The following HPGDS variants were observed in gnomAD, a reference collection of about 807,000 sequenced individuals.
HPGDS encodes hematopoietic prostaglandin D synthase.
Under a neutral mutation model 23.1 loss-of-function variants are expected in HPGDS, and 26 were observed. The ratio of observed to expected loss-of-function variants is 1.13; its 90% CI spans 0.83 to 1.56. The LOEUF (loss-of-function observed/expected upper bound fraction) is 1.56. Among genes scored for constraint, HPGDS ranks in the 40% most tolerant of loss-of-function variants. The pLI is 0.00. For synonymous variants in HPGDS, 95 were observed against 77.9 expected, an observed-to-expected ratio of 1.22 and a Z score of -1.16; for missense variants, 268 against 236.4, an observed-to-expected ratio of 1.13 and a Z score of -0.88.
chr4:94,326,481 T>C (rs1386104149), intron 2 of HPGDS, among the ~76,000 whole-genome samples: 1 of 152,188 alleles, frequency 6.6e-6, no homozygotes, highest in African/African-American at 2.4e-5. Flanking sequence ...ATTCTTCGCT[T>C]GACCTAGTCT....
chr4:94,307,159 T>TGGG, intron 4 of HPGDS, among the ~76,000 whole-genome samples: 1 of 151,858 alleles, frequency 6.6e-6, no homozygotes, highest in East Asian at 1.9e-4. Context: ...AGTCAAACTA[T>TGGG]AAACAAGTTT....
chr4:94,323,992 A>T (rs920528303), intron 2 of HPGDS, among the ~76,000 whole-genome samples: 4 of 152,134 alleles, frequency 2.6e-5, no homozygotes, highest in African/African-American at 9.7e-5. Context: ...TTCTCTGTGA[A>T]GGATTTTATT....
chr4:94,306,928 T>G (rs1756150477), intron 4 of HPGDS, among the ~76,000 whole-genome samples: 1 of 152,064 alleles, frequency 6.6e-6, no homozygotes, highest in African/African-American at 2.4e-5. Context: ...GGTCCCAGAT[T>G]GAACGGAATC....
chr4:94,302,395 AGATTTAGGTCT>A, intron 4 of HPGDS, 151 bp from the exon 5 acceptor site: 1 of 585,732 alleles, frequency 1.7e-6, no homozygotes, highest in Non-Finnish European at 3.0e-6. Context: ...TATGACATGG[AGATTTAGGTCT>A]GATTCTCTAT....
At chr4:94,308,813 G>A (rs1241426300) in intron 3 of HPGDS, 70 bp from the exon 4 acceptor site, 6 of 761,156 alleles carry the variant, frequency 7.9e-6, no homozygotes, top group South Asian at 3.4e-5. Flanking sequence ...TTAACAGATA[G>A]TATACTCATA....
At chr4:94,324,807 A>G (rs1756596239) in intron 2 of HPGDS, among the ~76,000 whole-genome samples, 1 of 152,214 alleles carries the variant, frequency 6.6e-6, no homozygotes, top group African/African-American at 2.4e-5. Context: ...ATTGCTCGCA[A>G]GGAGCTGCGA....
chr4:94,330,789 T>A (rs1332024117), intron 2 of HPGDS, among the ~76,000 whole-genome samples: 1 of 152,218 alleles, frequency 6.6e-6, no homozygotes, highest in African/African-American at 2.4e-5. Context: ...ATAGTTTTAA[T>A]TTTCAAGAAC....
At chr4:94,323,909 T>A (rs1171057083) in intron 2 of HPGDS, among the ~76,000 whole-genome samples, 2 of 152,226 alleles carry the variant, frequency 1.3e-5, no homozygotes, top group Non-Finnish European at 2.9e-5. Flanking sequence ...CGGTTGTTTC[T>A]TTCCATGTTT....
At chr4:94,311,729 G>C (rs1329913444) in intron 3 of HPGDS, among the ~76,000 whole-genome samples, 1 of 151,422 alleles carries the variant, frequency 6.6e-6, no homozygotes, top group Non-Finnish European at 1.5e-5. Flanking sequence ...GCTCCTCCTT[G>C]TATCTCTGGT....
In HPGDS at chr4:94,317,957, A is replaced by G; in HGVS notation, c.142T>C (p.Phe48Leu). Residue 48 changes from phenylalanine (F) to leucine (L), a missense_variant, in exon 3 of 6, where the codon TTT becomes CTT. Physicochemically the swap from Phe to Leu is conservative, Grantham distance 22 (BLOSUM62 0). Coordinates refer to ENST00000295256, the MANE Select transcript of HPGDS (RefSeq NM_014485.3). ...ACTTCCAAAATGGGGATTTTTCCAAATGGGAGAGCTTAAAATGAAATGAGC... is the reference window on the plus strand; with the variant it reads ...ACTTCCAAAATGGGGATTTTTCCAAGTGGGAGAGCTTAAAATGAAATGAGC... ...DWPEIKSTLP[F>L]GKIPILEVDG... is the part of the protein sequence containing the mutation. The G allele has an allele frequency of 6.2e-7, 1 of 1,601,228 alleles. No homozygotes were observed. Among genetic ancestry groups the G allele is most frequent in the Non-Finnish European group, 8.5e-7 (1 of 1,169,746 alleles).
At chr4:94,324,784 T>A (rs1756595664) in intron 2 of HPGDS, among the ~76,000 whole-genome samples, 1 of 152,218 alleles carries the variant, frequency 6.6e-6, no homozygotes. Flanking sequence ...TCATTCTCCA[T>A]CCAGCTTGTT....
intron 4 of HPGDS, 49 bp from the exon 5 acceptor site, chr4:94,302,293 A>G: frequency 7.8e-7 from 1 of 1,288,344 alleles, no homozygotes; most frequent in Admixed American, 1.7e-5. Context: ...AAGAAAAGTA[A>G]CATGATCTGA....
chr4:94,321,294 G>C (rs1333107222), intron 2 of HPGDS, among the ~76,000 whole-genome samples: 3 of 152,128 alleles, frequency 2.0e-5, no homozygotes, highest in African/African-American at 7.2e-5. Context: ...TTCCAATTCT[G>C]TGAAGAAAGT....
chr4:94,300,134 A>G (rs1367136661), intron 5 of HPGDS, among the ~76,000 whole-genome samples: 2 of 152,160 alleles, frequency 1.3e-5, no homozygotes, highest in Non-Finnish European at 2.9e-5. Context: ...GTCCTACAGA[A>G]TGTTCTATCT....
chr4:94,321,227 G>A (rs1381525865), intron 2 of HPGDS, among the ~76,000 whole-genome samples: 1 of 152,142 alleles, frequency 6.6e-6, no homozygotes, highest in East Asian at 1.9e-4. Context: ...TTTTGCTTAG[G>A]ATTGACTTGG....
intron 2 of HPGDS, among the ~76,000 whole-genome samples, chr4:94,323,651 G>A (rs905895962): frequency 2.2e-4 from 33 of 151,998 alleles, no homozygotes; most frequent in African/African-American, 6.3e-4. Flanking sequence ...TTGAGCCTAT[G>A]TGTGTCTCTG....
chr4:94,313,320 T>A (rs1756320796), intron 3 of HPGDS, among the ~76,000 whole-genome samples: 1 of 152,222 alleles, frequency 6.6e-6, no homozygotes, highest in African/African-American at 2.4e-5. Context: ...GGAGCTCTTG[T>A]AGGGCAGGCC....
At chr4:94,316,876 T>C (rs549079489) in intron 3 of HPGDS, among the ~76,000 whole-genome samples, 60 of 152,244 alleles carry the variant, frequency 3.9e-4, no homozygotes, top group Non-Finnish European at 7.2e-4. Context: ...ACTGCCCAGG[T>C]CCAAGTCTTC....
intron 2 of HPGDS, among the ~76,000 whole-genome samples, chr4:94,322,513 T>G (rs935394152): frequency 1.3e-5 from 2 of 152,216 alleles, no homozygotes; most frequent in Non-Finnish European, 2.9e-5. Flanking sequence ...GTCCAGCAAT[T>G]TATCCAGTTC....
Sources: allele counts gnomAD v4.1 joint callset (sites outside exome capture counted in the v4.1 genomes callset), GRCh38; gene constraint gnomAD v4.1.1; transcripts MANE v1.5; gene names NCBI Gene and HGNC (gene_info 2026-07-23, HGNC 2026-07-21).